ANO3: variants seen among roughly 807,000 people sequenced by gnomAD.
The protein encoded by ANO3 is anoctamin-3.
A neutral mutation model predicts 144.8 loss-of-function variants in ANO3; 99 were observed. The ratio of observed to expected loss-of-function variants is 0.68; its 90% CI spans 0.58 to 0.81. The LOEUF (loss-of-function observed/expected upper bound fraction) is 0.81. ANO3 is among the 30% of genes least tolerant of loss of function. The pLI is 0.00. For missense variants in ANO3, 905 were observed against 1,202.2 expected (o/e 0.75, Z 3.66); for synonymous variants, 414 against 392.6 (o/e 1.05, Z -0.64).
intron 1 of ANO3, among the ~76,000 whole-genome samples, chr11:26,405,252 A>G (rs1857250387): frequency 6.6e-6 from 1 of 151,776 alleles, no homozygotes; most frequent in Non-Finnish European, 1.5e-5. Flanking sequence ...GATGCTTGAA[A>G]TAACCCATTT....
At chr11:26,625,171 C>T (rs1054160865) in intron 18 of ANO3, among the ~76,000 whole-genome samples, 2 of 152,150 alleles carry the variant, frequency 1.3e-5, no homozygotes, top group East Asian at 1.9e-4. Flanking sequence ...GTGATCTGCC[C>T]GCCTCGGCCT....
At chr11:26,427,520 A>C (rs1490211012) in intron 1 of ANO3, 1 of 152,170 alleles carries the variant, frequency 6.6e-6, no homozygotes, top group African/African-American at 2.4e-5. Flanking sequence ...TTTCAAAATC[A>C]ATGGGAAATA....
At chr11:26,354,885 A>T (rs574091684) in intron 1 of ANO3, among the ~76,000 whole-genome samples, 114 of 151,658 alleles carry the variant, frequency 7.5e-4, no homozygotes, top group Middle Eastern at 3.4e-3. Flanking sequence ...TTTTTTTTTT[A>T]AATTTCTTAA....
intron 2 of ANO3, among the ~76,000 whole-genome samples, chr11:26,442,765 T>C (rs1486332860): frequency 6.6e-6 from 1 of 152,042 alleles, no homozygotes; most frequent in Non-Finnish European, 1.5e-5. Context: ...ATAGGGTATG[T>C]TTTTCTTGTT....
At chr11:26,442,294 C>G (rs1027123189) in intron 2 of ANO3, among the ~76,000 whole-genome samples, 182 bp downstream of exon 2, 10 of 152,144 alleles carry the variant, frequency 6.6e-5, no homozygotes, top group African/African-American at 2.4e-4. Flanking sequence ...TCTTCCTTGC[C>G]TTGAAGGTGG....
chr11:26,354,408 C>T (rs2133916505), intron 1 of ANO3, among the ~76,000 whole-genome samples: 1 of 152,282 alleles, frequency 6.6e-6, no homozygotes, highest in East Asian at 1.9e-4. Flanking sequence ...CAGGTGCATT[C>T]TTTTCTCCAA....
chr11:26,402,629 C>A (rs1857177689), intron 1 of ANO3, among the ~76,000 whole-genome samples: 1 of 151,884 alleles, frequency 6.6e-6, no homozygotes, highest in African/African-American at 2.4e-5. Context: ...AATACCACAT[C>A]TTCTCACTTA....
intron 1 of ANO3, among the ~76,000 whole-genome samples, chr11:26,256,108 A>C (rs1170013940): frequency 2.0e-5 from 3 of 152,186 alleles, no homozygotes; most frequent in Non-Finnish European, 4.4e-5. Flanking sequence ...CTGGAAACAA[A>C]TCATTGGCTA....
chr11:26,478,036 C>T (rs1860052395), intron 4 of ANO3, among the ~76,000 whole-genome samples: 1 of 152,136 alleles, frequency 6.6e-6, no homozygotes, highest in Non-Finnish European at 1.5e-5. Flanking sequence ...TTTAAAAGTG[C>T]AGTGAAACAA....
intron 1 of ANO3, among the ~76,000 whole-genome samples, chr11:26,421,538 G>T (rs1857751948): frequency 1.3e-5 from 2 of 151,940 alleles, no homozygotes; most frequent in Admixed American, 1.3e-4. Context: ...AAATATACTT[G>T]TTATTTTTAA....
At chr11:26,553,172 C>A in intron 12 of ANO3, 77 bp from the exon 13 acceptor site, 1 of 1,043,850 alleles carries the variant, frequency 9.6e-7, no homozygotes, top group Non-Finnish European at 1.5e-6. Flanking sequence ...ACAGGATTTG[C>A]TGTAGGGGCT....
At chr11:26,657,758 G>A (rs74376219) in intron 26 of ANO3, among the ~76,000 whole-genome samples, 113 of 152,110 alleles carry the variant, frequency 7.4e-4, no homozygotes, top group African/African-American at 2.7e-3. Context: ...CTTATTTTGT[G>A]CCTTCCCCAT....
intron 17 of ANO3, among the ~76,000 whole-genome samples, chr11:26,610,464 A>G (rs541744106): frequency 3.9e-5 from 6 of 152,064 alleles, no homozygotes; most frequent in Admixed American, 1.3e-4. Flanking sequence ...TGTCAGATAT[A>G]TAGTTGCAAA....
intron 18 of ANO3, among the ~76,000 whole-genome samples, chr11:26,632,945 A>G (rs1244905685): frequency 6.6e-6 from 1 of 152,194 alleles, no homozygotes; most frequent in African/African-American, 2.4e-5. Context: ...ACCCGTGGGG[A>G]CAAGTTCTTA....
At chr11:26,416,942 A>G (rs773974190) in intron 1 of ANO3, among the ~76,000 whole-genome samples, 1 of 152,088 alleles carries the variant, frequency 6.6e-6, no homozygotes, top group Non-Finnish European at 1.5e-5. Flanking sequence ...ACTATCCTCT[A>G]ATAGTTTTAC....
At chr11:26,432,071 A>AT (rs1157605106) in intron 1 of ANO3, among the ~76,000 whole-genome samples, 2 of 151,892 alleles carry the variant, frequency 1.3e-5, no homozygotes, top group South Asian at 2.1e-4. Flanking sequence ...AGCATCTGTT[A>AT]TTTTTTGACA....
At chr11:26,385,475 A>G (rs959936644) in intron 1 of ANO3, among the ~76,000 whole-genome samples, 1 of 152,132 alleles carries the variant, frequency 6.6e-6, no homozygotes, top group Non-Finnish European at 1.5e-5. Flanking sequence ...TGTAGGGGAA[A>G]AAAATCTTTT....
chr11:26,246,928 G>C (rs906108647), intron 1 of ANO3, among the ~76,000 whole-genome samples: 1 of 152,120 alleles, frequency 6.6e-6, no homozygotes, highest in Non-Finnish European at 1.5e-5. Flanking sequence ...TGAGTCCATT[G>C]AATCTCTTTC....
At chr11:26,303,625 C>G (rs1854288402) in intron 1 of ANO3, among the ~76,000 whole-genome samples, 1 of 152,166 alleles carries the variant, frequency 6.6e-6, no homozygotes, top group African/African-American at 2.4e-5. Context: ...ATGGGATCAT[C>G]CATATCCCAA....
Sources: gnomAD v4.1 joint callset for allele counts (sites outside exome capture counted in the v4.1 genomes callset) on GRCh38, gnomAD v4.1.1 for gene constraint, MANE v1.5 for transcripts, NCBI Gene and HGNC (gene_info 2026-07-23, HGNC 2026-07-21) for gene names.